Variants in ZNF790 observed in about 807,000 individuals in gnomAD.
ZNF790 encodes the protein zinc finger protein 790.
ZNF790 carries 8 observed loss-of-function variants against 12.1 expected under a neutral mutation model. The observed-to-expected ratio is 0.66, with a 90% CI of 0.39 to 1.19. The LOEUF (loss-of-function observed/expected upper bound fraction) is 1.19. Ranked by LOEUF, ZNF790 falls within the 50% of genes most tolerant of loss-of-function variation. The pLI is 0.01. For synonymous variants in ZNF790, 252 were observed against 244.3 expected (o/e 1.03, Z -0.29); for missense variants, 707 against 752.2 (o/e 0.94, Z 0.70).
chr19:36,819,895 G>C lies in ZNF790; in HGVS notation c.449C>G (p.Thr150Ser). 1 of 1,613,676 alleles carries C rather than the reference G, an allele frequency of 6.2e-7. No homozygotes were observed. The highest frequency in any genetic ancestry group is 8.5e-7 in the Non-Finnish European group (1 of 1,179,840). Residue 150 changes from threonine (T) to serine (S), a missense_variant, in exon 5 of 5, where the codon ACT becomes AGT. Coordinates refer to ENST00000356725, the MANE Select transcript of ZNF790 (RefSeq NM_206894.4). Reference sequence around the variant, plus strand: ...ATTAAACACTGTATGCTGGTTAAAAGTGGGCCTTTTTTCACAGGTGCGTAT... The same window carrying C: ...ATTAAACACTGTATGCTGGTTAAAACTGGGCCTTTTTTCACAGGTGCGTAT... ...QVIRTCEKRP[T>S]FNQHTVFNLH...
intron 1 of ZNF790, among the ~76,000 whole-genome samples, chr19:36,848,756 G>T (rs112066047): frequency 6.6e-6 from 1 of 151,262 alleles, no homozygotes; most frequent in Non-Finnish European, 1.5e-5. Context: ...GGGGGTTGGG[G>T]GGGTGGTGGC....
At chr19:36,827,446 C>T (rs144014337) in intron 1 of ZNF790, among the ~76,000 whole-genome samples, 4 of 152,022 alleles carry the variant, frequency 2.6e-5, no homozygotes, top group Admixed American at 6.5e-5. Flanking sequence ...GCTCAAGGAA[C>T]ACAAAAAGTT....
intron 1 of ZNF790, among the ~76,000 whole-genome samples, chr19:36,849,157 G>A (rs2072214257): frequency 6.6e-6 from 1 of 152,020 alleles, no homozygotes; most frequent in Non-Finnish European, 1.5e-5. Context: ...AAACTCCTGA[G>A]CTCAAGTGAT....
rs1190178976 is a variant in ZNF790 at position 36,820,128 on chromosome 19, A to G, written c.230-14T>C. On this transcript the variant is annotated splice_polypyrimidine_tract_variant and intron_variant, in intron 4 of 4. Coordinates refer to ENST00000356725, the MANE Select transcript of ZNF790 (RefSeq NM_206894.4). ...TCGACTGCATGTCTGAAAAATAAGA[A>G]GGTAAAAACATCATACGGTTGTATG... 1 of 1,593,374 alleles carries G rather than the reference A, an allele frequency of 6.3e-7. No homozygotes were observed. The highest frequency in any genetic ancestry group is 1.7e-5 in the Admixed American group (1 of 58,808).
chr19:36,848,276 C>A (rs1486075265), intron 1 of ZNF790, among the ~76,000 whole-genome samples: 5 of 152,178 alleles, frequency 3.3e-5, no homozygotes, highest in Non-Finnish European at 7.3e-5. Flanking sequence ...CTGCCCTACC[C>A]CATGACTTCT....
chr19:36,850,619 G>C (rs978599267), upstream of ZNF790: 1 of 152,240 alleles, frequency 6.6e-6, no homozygotes, highest in Non-Finnish European at 1.5e-5. Flanking sequence ...AGCAAAAAGG[G>C]CTCAGAGGAG....
Position 36,833,658 on chromosome 19 carries a change from A to T in ZNF790, c.-74+4679T>A, listed in dbSNP as rs1008774567. Among the ~76,000 whole-genome samples the T allele has an allele frequency of 1.2e-4, 18 of 152,330 alleles. No homozygotes were observed. The East Asian group carries it at 3.3e-3, about 28-fold the overall frequency. ...GCTTAGGTGGCTATAATATCAAGAC[A>T]CCATAGATTTCAGAGCAAATAAATA... On this transcript the variant is annotated intron_variant, in intron 1 of 4. Coordinates refer to ENST00000356725, the MANE Select transcript of ZNF790 (RefSeq NM_206894.4).
chr19:36,823,426 C>A (rs762198919), intron 3 of ZNF790, 46 bp from the exon 4 acceptor site: 4 of 1,567,968 alleles, frequency 2.6e-6, no homozygotes, highest in Non-Finnish European at 3.5e-6. Flanking sequence ...TGTAAAGATT[C>A]TAAAATTTGC....
chr19:36,828,666 C>T (rs752706800), intron 1 of ZNF790, among the ~76,000 whole-genome samples: 9 of 152,006 alleles, frequency 5.9e-5, no homozygotes, highest in African/African-American at 1.9e-4. Context: ...TTTGTCGAGA[C>T]GGGGTCCGCT....
chr19:36,829,828 A>G (rs923359943), intron 1 of ZNF790, among the ~76,000 whole-genome samples: 1 of 152,278 alleles, frequency 6.6e-6, no homozygotes, highest in Middle Eastern at 3.4e-3. Context: ...CGGCCTCCCA[A>G]AGTGCTGGGA....
chr19:36,841,210 G>A (rs529441317), upstream of ZNF790, among the ~76,000 whole-genome samples: 1 of 152,240 alleles, frequency 6.6e-6, no homozygotes, highest in Non-Finnish European at 1.5e-5. Context: ...TACACTACAA[G>A]CACAGGATAG....
chr19:36,827,107 T>TAC (rs1332063417), intron 1 of ZNF790, among the ~76,000 whole-genome samples: 7 of 95,732 alleles, frequency 7.3e-5, no homozygotes, highest in Non-Finnish European at 1.6e-4. Flanking sequence ...TGTGTGTATA[T>TAC]ATATACACAT....
chr19:36,847,606 C>T (rs918097013), intron 1 of ZNF790, among the ~76,000 whole-genome samples: 1 of 151,854 alleles, frequency 6.6e-6, no homozygotes, highest in Non-Finnish European at 1.5e-5. Flanking sequence ...AAAAATTAGC[C>T]GGGATTGGTG....
intron 1 of ZNF790, among the ~76,000 whole-genome samples, chr19:36,849,585 G>A (rs1414361521): frequency 6.6e-6 from 1 of 151,886 alleles, no homozygotes; most frequent in Non-Finnish European, 1.5e-5. Flanking sequence ...AATGTTAAAT[G>A]TTTACATAAA....
At chr19:36,830,042 T>C (rs925351173) in intron 1 of ZNF790, among the ~76,000 whole-genome samples, 56 of 152,186 alleles carry the variant, frequency 3.7e-4, no homozygotes, top group African/African-American at 1.4e-3. Flanking sequence ...CTTTTATTTC[T>C]TTTACTTCCC....
Position 36,823,718 on chromosome 19 carries a change from C to A in ZNF790, c.82G>T (p.Asp28Tyr), listed in dbSNP as rs750746793. The A allele has an allele frequency of 6.2e-7, 1 of 1,613,592 alleles. No homozygotes were observed. The highest frequency in any genetic ancestry group is 8.5e-7 in the Non-Finnish European group (1 of 1,179,792). ...EWECLDLEQR[D>Y]LYRDVMLENY... ...TCCAACATCACATCTCTATATAAAT[C>A]CCTCTGTTCCAGGTCCAGGCACTCC... is the stretch of plus-strand genomic sequence containing the variant. The change falls in exon 3 of 5, where the codon GAT (aspartate) becomes TAT (tyrosine). Residue 28 changes from aspartate (D) to tyrosine (Y), a missense_variant. Transcript: ENST00000356725.
chr19:36,844,361 A>G (rs367678120), intron 1 of ZNF790, among the ~76,000 whole-genome samples: 2 of 152,054 alleles, frequency 1.3e-5, no homozygotes, highest in South Asian at 4.1e-4. Flanking sequence ...AAAAGCCCCC[A>G]AACTCCAAAC....
intron 1 of ZNF790, among the ~76,000 whole-genome samples, chr19:36,833,337 T>G (rs898882215): frequency 1.3e-5 from 2 of 152,164 alleles, no homozygotes; most frequent in Admixed American, 6.5e-5. Flanking sequence ...GAGACAGAGT[T>G]TCACCATATT....
At position 36,823,742 on chromosome 19, in the gene ZNF790, C is replaced by T; in HGVS notation, c.58G>A (p.Glu20Lys). The T allele has an allele frequency of 6.2e-7, 1 of 1,613,318 alleles. No individual in the cohort carries two copies. Among genetic ancestry groups the T allele is most frequent in the Non-Finnish European group, 8.5e-7 (1 of 1,179,686 alleles). Reference sequence around the variant, plus strand: ...TCCCTCTGTTCCAGGTCCAGGCACTCCCACTCCTCCTGAGAGAAATCTACA... The same window carrying T: ...TCCCTCTGTTCCAGGTCCAGGCACTTCCACTCCTCCTGAGAGAAATCTACA... Reference protein sequence around the residue: ...VAVDFSQEEWECLDLEQRDLY... With the variant: ...VAVDFSQEEWKCLDLEQRDLY... The change falls in exon 3 of 5, where the codon GAG (glutamate) becomes AAG (lysine). Residue 20 changes from glutamate to lysine, a missense_variant. Coordinates refer to ENST00000356725, the MANE Select transcript of ZNF790 (RefSeq NM_206894.4).
Sources: gnomAD v4.1 joint callset for allele counts (sites outside exome capture counted in the v4.1 genomes callset) on GRCh38, gnomAD v4.1.1 for gene constraint, MANE v1.5 for transcripts, NCBI Gene and HGNC (gene_info 2026-07-23, HGNC 2026-07-21) for gene names.